Variants in MATCAP1 observed in about 807,000 individuals in gnomAD.
MATCAP1 encodes microtubule-associated tyrosine carboxypeptidase 1.
chr16:67,178,150 G>GC, the MATCAP1 span: 1 of 1,454,578 alleles, frequency 6.9e-7, no homozygotes, highest in Non-Finnish European at 9.4e-7. Flanking sequence ...CTCGCCCGAA[G>GC]CCCCGCCCCC....
chr16:67,179,702 C>T, the MATCAP1 span: 1 of 1,522,082 alleles, frequency 6.6e-7, no homozygotes, highest in South Asian at 1.2e-5. The surrounding 1 kb of genome is among the most constrained non-coding windows in gnomAD (Gnocchi z 5.2). Flanking sequence ...AACCAGCTCC[C>T]ACCTCACTGG....
chr16:67,177,338 C>T, the MATCAP1 span, among the ~76,000 whole-genome samples: 1 of 152,212 alleles, frequency 6.6e-6, no homozygotes, highest in Admixed American at 6.5e-5. Context: ...ATGCCAGCTC[C>T]ACCCTCTTTA....
chr16:67,181,514 C>G, the MATCAP1 span: 2 of 152,246 alleles, frequency 1.3e-5, no homozygotes, highest in Non-Finnish European at 2.9e-5. Flanking sequence ...CACCCCGACT[C>G]TGTTCCAGGA....
chr16:67,178,146 CGAAG>C, the MATCAP1 span: 1 of 1,454,896 alleles, frequency 6.9e-7, no homozygotes. Context: ...GCCCCTCGCC[CGAAG>C]CCCCGCCCCC....
the MATCAP1 span, chr16:67,180,330 C>T: frequency 8.7e-6 from 14 of 1,612,058 alleles, no homozygotes; most frequent in South Asian, 2.2e-5. Context: ...CAGGGTGCCA[C>T]GCCCCCGCCG....
the MATCAP1 span, chr16:67,176,606 G>A: frequency 9.1e-6 from 4 of 441,880 alleles, no homozygotes; most frequent in African/African-American, 8.2e-5. This position sits in a 1 kb window ranked among gnomAD's most constrained non-coding sequence, Gnocchi z 4.3. Flanking sequence ...TGCCAGACAT[G>A]CTGCTGCAGG....
the MATCAP1 span, chr16:67,180,135 T>G: frequency 5.6e-6 from 9 of 1,614,058 alleles, no homozygotes; most frequent in Non-Finnish European, 7.6e-6. Flanking sequence ...GTAGGTGTAA[T>G]GGGACTGGAA....
the MATCAP1 span, chr16:67,179,249 G>A: frequency 1.5e-5 from 22 of 1,439,686 alleles, no homozygotes; most frequent in Non-Finnish European, 1.9e-5. This position sits in a 1 kb window ranked among gnomAD's most constrained non-coding sequence, Gnocchi z 5.2. Flanking sequence ...GGGCAGGCAT[G>A]TTCTGGCCTA....
chr16:67,180,725 C>A, the MATCAP1 span: 1 of 669,810 alleles, frequency 1.5e-6, no homozygotes, highest in Non-Finnish European at 2.3e-6. Flanking sequence ...AAACGACCAG[C>A]AGGCCCTGTA....
chr16:67,181,830 C>T, the MATCAP1 span: 8 of 152,242 alleles, frequency 5.3e-5, no homozygotes, highest in African/African-American at 9.7e-5. Context: ...TTCCTTTTTT[C>T]CTGTTCTCTC....
At chr16:67,177,011 G>A in the MATCAP1 span, 2 of 1,473,808 alleles carry the variant, frequency 1.4e-6, no homozygotes, top group Non-Finnish European at 1.8e-6. Flanking sequence ...CATAGGCAGT[G>A]GCCCCTGGCT....
the MATCAP1 span, chr16:67,180,142 G>C: frequency 6.2e-7 from 1 of 1,614,232 alleles, no homozygotes. Context: ...TAATGGGACT[G>C]GAAGAACTTG....
the MATCAP1 span, chr16:67,179,849 C>A: frequency 1.9e-6 from 3 of 1,614,242 alleles, no homozygotes; most frequent in Non-Finnish European, 2.5e-6. The surrounding 1 kb of genome is among the most constrained non-coding windows in gnomAD (Gnocchi z 5.2). Flanking sequence ...CATGTATTTG[C>A]GCACAATCGA....
chr16:67,179,371 C>T, the MATCAP1 span: 1 of 1,546,864 alleles, frequency 6.5e-7, no homozygotes, highest in Non-Finnish European at 8.7e-7. The surrounding 1 kb of genome is among the most constrained non-coding windows in gnomAD (Gnocchi z 5.2). Context: ...CTTCCCACCC[C>T]TCCCAGCTCC....
the MATCAP1 span, chr16:67,179,208 G>A: frequency 3.1e-4 from 430 of 1,376,304 alleles, 4 homozygotes; most frequent in South Asian, 5.6e-3. The surrounding 1 kb of genome is among the most constrained non-coding windows in gnomAD (Gnocchi z 5.2). Flanking sequence ...ATACCCGAAA[G>A]GACCAAGAGA....
chr16:67,180,709 G>A, the MATCAP1 span: 2 of 810,338 alleles, frequency 2.5e-6, no homozygotes, highest in Admixed American at 3.4e-5. Context: ...ATGAGTGGGT[G>A]TGACCAAACG....
At chr16:67,180,173 G>C in the MATCAP1 span, 3 of 1,614,208 alleles carry the variant, frequency 1.9e-6, no homozygotes. Flanking sequence ...GGTCCATGTT[G>C]GTTGGCCGCA....
the MATCAP1 span, among the ~76,000 whole-genome samples, chr16:67,177,340 C>T: frequency 6.6e-6 from 1 of 152,196 alleles, no homozygotes; most frequent in Non-Finnish European, 1.5e-5. Context: ...GCCAGCTCCA[C>T]CCTCTTTACA....
chr16:67,182,803 T>C, the MATCAP1 span, among the ~76,000 whole-genome samples: 22 of 152,178 alleles, frequency 1.4e-4, no homozygotes, highest in Non-Finnish European at 2.6e-4. Context: ...CTCAATAAAA[T>C]AGTAAACCTC....
Sources: allele counts gnomAD v4.1 joint callset (sites outside exome capture counted in the v4.1 genomes callset), GRCh38; gene constraint gnomAD v4.1.1; non-coding constraint Gnocchi (gnomAD v3.1); transcripts MANE v1.5; gene names NCBI Gene and HGNC (gene_info 2026-07-23, HGNC 2026-07-21).